Variants in WLS observed in about 807,000 individuals in gnomAD.
WLS encodes the protein Wnt ligand secretion mediator, also known as protein wntless homolog.
WLS carries 23 observed loss-of-function variants against 62.8 expected under a neutral mutation model. The ratio of observed to expected loss-of-function variants is 0.37; its 90% CI spans 0.26 to 0.52. The LOEUF (loss-of-function observed/expected upper bound fraction) is 0.52. WLS is among the 20% of genes least tolerant of loss of function. WLS has a pLI of 0.92. For missense variants in WLS, 615 were observed against 697.3 expected (o/e 0.88, Z 1.33); for synonymous variants, 246 against 244.1 (o/e 1.01, Z -0.07).
intron 11 of WLS, among the ~76,000 whole-genome samples, chr1:68,102,316 A>C (rs1646090011): frequency 6.6e-6 from 1 of 152,164 alleles, no homozygotes; most frequent in African/African-American, 2.4e-5. Context: ...GAAGGGTCCT[A>C]AACAGCGGGC....
At position 68,225,151 on chromosome 1, in the gene WLS, C is replaced by G. The variant is rs562616808; in HGVS notation, c.106+7043G>C. Among the ~76,000 whole-genome samples the G allele has an allele frequency of 2.2e-4, 33 of 151,278 alleles. No individual in the cohort carries two copies. In the East Asian group the frequency reaches 6.3e-3, roughly 29 times the overall value. ...TATGATTACTGCTTTTGCTCCCCTA[C>G]AAGATTTAGTCAGGGATAGAATGTG... On this transcript the variant is annotated intron_variant, in intron 1 of 11. Transcript: ENST00000262348.
At chr1:68,203,941 T>C (rs558084093) in intron 1 of WLS, among the ~76,000 whole-genome samples, 28 of 152,164 alleles carry the variant, frequency 1.8e-4, no homozygotes, top group African/African-American at 5.3e-4. Context: ...CCAAAATAAG[T>C]CTCCTATCCA....
intron 11 of WLS, among the ~76,000 whole-genome samples, chr1:68,114,960 C>T (rs527330315): frequency 1.1e-4 from 17 of 152,290 alleles, no homozygotes; most frequent in Non-Finnish European, 2.2e-4. Context: ...GTAGAAGGCT[C>T]AGCACAGTGC....
chr1:68,201,856 T>G (rs1649036550), intron 1 of WLS: 1 of 152,250 alleles, frequency 6.6e-6, no homozygotes, highest in Non-Finnish European at 1.5e-5. Flanking sequence ...CTTTACAATA[T>G]AAACTTATGA....
intron 11 of WLS, among the ~76,000 whole-genome samples, chr1:68,101,852 C>A (rs1313229206): frequency 6.6e-6 from 1 of 152,098 alleles, no homozygotes; most frequent in Non-Finnish European, 1.5e-5. Context: ...ATAGTTACAG[C>A]GAGAAATACT....
intron 2 of WLS, among the ~76,000 whole-genome samples, chr1:68,165,430 C>G (rs1489828525): frequency 2.6e-5 from 4 of 152,186 alleles, no homozygotes; most frequent in Admixed American, 2.6e-4. Flanking sequence ...TCCGAGATGT[C>G]AGACTCCAGA....
At chr1:68,228,603 A>G (rs1426895823) in intron 1 of WLS, among the ~76,000 whole-genome samples, 1 of 152,098 alleles carries the variant, frequency 6.6e-6, no homozygotes. Context: ...AAAAATATTT[A>G]TCTTTTCCTT....
chr1:68,193,806 G>A (rs1435440603), intron 2 of WLS, 149 bp downstream of exon 2: 6 of 1,036,428 alleles, frequency 5.8e-6, no homozygotes, highest in Non-Finnish European at 8.3e-6. Context: ...GTTAATACAG[G>A]TAAAGTACAC....
chr1:68,134,541 G>A (rs1014455827), intron 11 of WLS, among the ~76,000 whole-genome samples: 1 of 152,124 alleles, frequency 6.6e-6, no homozygotes, highest in African/African-American at 2.4e-5. Flanking sequence ...GGTCTACTTG[G>A]CATTTCACAG....
At chr1:68,190,107 C>T (rs1221029072) in intron 2 of WLS, among the ~76,000 whole-genome samples, 1 of 151,892 alleles carries the variant, frequency 6.6e-6, no homozygotes, top group Non-Finnish European at 1.5e-5. Context: ...GCATTATTAT[C>T]CATATTTTAC....
In WLS at chr1:68,126,245, C is replaced by A; in HGVS notation, c.1607G>T (p.Arg536Leu). 2.5e-6 allele frequency: 4 copies of A among 1,614,130 alleles called. No individual in the cohort carries two copies. The highest frequency in any genetic ancestry group is 3.4e-6 in the Non-Finnish European group (4 of 1,180,020). The change falls in exon 12 of 12, where the codon CGC (arginine) becomes CTC (leucine). Residue 536 changes from arginine (R) to leucine (L), a missense_variant. Coordinates refer to ENST00000262348, the MANE Select transcript of WLS (RefSeq NM_024911.7). ...AGCCTCCTACTCCTGGGCCTCCTTG[C>A]GGGTCAACTTGTAGATCTCAGTGGG... ...DGPTEIYKLTRKEAQE is the reference protein window; with the variant it reads ...DGPTEIYKLTLKEAQE
chr1:68,179,470 GTCA>G (rs1647425112), intron 2 of WLS, among the ~76,000 whole-genome samples: 1 of 152,150 alleles, frequency 6.6e-6, no homozygotes, highest in Non-Finnish European at 1.5e-5. Context: ...TGTAAACTCT[GTCA>G]TCCTCAGTGT....
At chr1:68,230,588 C>CGTGTGTGTGTGTGTGTGTGT (rs145944948) in intron 1 of WLS, among the ~76,000 whole-genome samples, 17 of 149,156 alleles carry the variant, frequency 1.1e-4, no homozygotes, top group South Asian at 4.3e-4. Flanking sequence ...TGTGTGCGCG[C>CGTGTGTGTGTGTGTGTGTGT]GTGTGTGTGT....
downstream of WLS, among the ~76,000 whole-genome samples, chr1:68,120,494 A>T (rs1646350445): frequency 6.6e-6 from 1 of 152,232 alleles, no homozygotes; most frequent in African/African-American, 2.4e-5. Context: ...TACTGGAAAG[A>T]CACTGAAGTT....
intron 2 of WLS, among the ~76,000 whole-genome samples, chr1:68,170,071 A>G (rs1274174126): frequency 6.6e-6 from 1 of 151,914 alleles, no homozygotes; most frequent in Non-Finnish European, 1.5e-5. Context: ...TTCTCCTATC[A>G]CTGTGAGGAG....
intron 2 of WLS, among the ~76,000 whole-genome samples, chr1:68,191,488 G>A (rs1648299792): frequency 6.6e-6 from 1 of 152,120 alleles, no homozygotes; most frequent in South Asian, 2.1e-4. Context: ...ACATTACATT[G>A]TGTATTCTTA....
At chr1:68,127,117 C>A in intron 11 of WLS, 1 of 406,090 alleles carries the variant, frequency 2.5e-6, no homozygotes, top group Non-Finnish European at 4.9e-6. Context: ...ATCACTGGAG[C>A]ACAGGAATTC....
intron 1 of WLS, among the ~76,000 whole-genome samples, chr1:68,204,164 T>G (rs1293870453): frequency 6.6e-6 from 1 of 152,168 alleles, no homozygotes; most frequent in Non-Finnish European, 1.5e-5. Context: ...ATCTGGAATT[T>G]CACAAATGCC....
chr1:68,172,501 G>A (rs965443457), intron 2 of WLS, among the ~76,000 whole-genome samples: 34 of 152,064 alleles, frequency 2.2e-4, no homozygotes, highest in Admixed American at 2.0e-3. Flanking sequence ...GGCATATAAG[G>A]CAAAGTCATT....
Sources: allele counts gnomAD v4.1 joint callset (sites outside exome capture counted in the v4.1 genomes callset), GRCh38; gene constraint gnomAD v4.1.1; transcripts MANE v1.5; gene names NCBI Gene and HGNC (gene_info 2026-07-23, HGNC 2026-07-21).